CADPS2: variants seen among roughly 807,000 people sequenced by gnomAD.
CADPS2 encodes calcium-dependent secretion activator 2.
Under a neutral mutation model 172.5 loss-of-function variants are expected in CADPS2, and 93 were observed. The ratio of observed to expected loss-of-function variants is 0.54; its 90% CI spans 0.46 to 0.64. The LOEUF (loss-of-function observed/expected upper bound fraction) is 0.64, where lower values mean the gene tolerates loss of function less well. Among genes scored for constraint, CADPS2 ranks in the 30% least tolerant of loss-of-function variants. The probability of loss-of-function intolerance (pLI) is 0.00; values close to 1 mark genes in which losing one functional copy is unlikely to be tolerated. For synonymous variants in CADPS2, 546 were observed against 555.2 expected (o/e 0.98, Z 0.23); for missense variants, 1,420 against 1,565.9 (o/e 0.91, Z 1.57).
chr7:122,402,276 C>T (rs1205125396), intron 20 of CADPS2, among the ~76,000 whole-genome samples: 1 of 152,084 alleles, frequency 6.6e-6, no homozygotes, highest in East Asian at 1.9e-4. Flanking sequence ...TCTTGTCTTC[C>T]TTAAAAAGAT....
intron 7 of CADPS2, among the ~76,000 whole-genome samples, chr7:122,560,840 T>C (rs1383258940): frequency 1.3e-5 from 2 of 152,160 alleles, no homozygotes; most frequent in Non-Finnish European, 2.9e-5. Context: ...AACCTTGAGG[T>C]AGCATATATT....
intron 3 of CADPS2, among the ~76,000 whole-genome samples, chr7:122,649,513 G>C (rs2078913950): frequency 6.6e-6 from 1 of 152,114 alleles, no homozygotes; most frequent in African/African-American, 2.4e-5. Context: ...TAAAAAAGAG[G>C]CATTGGGCCT....
rs1046454155 is a variant in CADPS2 at position 122,320,105 on chromosome 7, TA to T, written c.*59del. The T allele has an allele frequency of 1.3e-5, 18 of 1,385,662 alleles. No homozygotes were observed. The highest frequency in any genetic ancestry group is 1.0e-4 in the African/African-American group (7 of 68,144). 85.8% of individuals were successfully genotyped at this position (1,385,662 alleles called of 1,614,324 possible). On this transcript the variant is annotated 3_prime_UTR_variant, in exon 30 of 30. Transcript: ENST00000449022. ...ATGAATGTAATTACAAGGACAAGGT[TA>T]AAAAAATAAAAAACAATGTCGATCA...
At chr7:122,736,810 G>T in intron 2 of CADPS2, 145 bp downstream of exon 2, 1 of 572,838 alleles carries the variant, frequency 1.7e-6, no homozygotes, top group Non-Finnish European at 3.1e-6. Context: ...TTGCTAAATA[G>T]AACTGACAAT....
At chr7:122,750,763 C>T (rs373655488) in intron 1 of CADPS2, among the ~76,000 whole-genome samples, 21 of 152,022 alleles carry the variant, frequency 1.4e-4, no homozygotes, top group Admixed American at 5.9e-4. Flanking sequence ...AATGCAGGTA[C>T]GAAAGACCTA....
intron 1 of CADPS2, among the ~76,000 whole-genome samples, chr7:122,852,700 G>C (rs191726380): frequency 1.6e-3 from 248 of 152,276 alleles, no homozygotes; most frequent in Non-Finnish European, 1.7e-3. Flanking sequence ...GGAGCAGAGA[G>C]AGCAAGGGGG....
At position 122,407,558 on chromosome 7, in the gene CADPS2, T is replaced by C. The variant is rs777526249; in HGVS notation, c.2728A>G (p.Asn910Asp). ...TGCTCACTGTCATTTCGGAGGAAAT[T>C]ATTAAGCAGTTGGAAAAGAGGAAAA... Reference protein sequence around the residue: ...DSFPLFQLLNNFLRNDTLLCN... With the variant: ...DSFPLFQLLNDFLRNDTLLCN... Residue 910 changes from asparagine to aspartate, a missense_variant, in exon 20 of 30, where the codon AAT (asparagine) becomes GAT (aspartate). Physicochemically the swap from Asn to Asp is conservative, Grantham distance 23 (BLOSUM62 1). Coordinates refer to ENST00000449022, the MANE Select transcript of CADPS2 (RefSeq NM_017954.11). 9 of 1,612,060 alleles carry C rather than the reference T, an allele frequency of 5.6e-6. No individual in the cohort carries two copies. Among genetic ancestry groups the C allele is most frequent in the Admixed American group, 1.7e-5 (1 of 59,774 alleles).
intron 19 of CADPS2, among the ~76,000 whole-genome samples, chr7:122,412,322 T>C (rs2047408378): frequency 6.6e-6 from 1 of 152,234 alleles, no homozygotes. Flanking sequence ...TTATTTTGCA[T>C]AACCACACTT....
chr7:122,706,215 T>C (rs1365337531), intron 2 of CADPS2, among the ~76,000 whole-genome samples: 1 of 77,784 alleles, frequency 1.3e-5, no homozygotes, highest in African/African-American at 5.1e-5. Flanking sequence ...AATACATATA[T>C]GCTTATATAT....
At chr7:122,589,255 T>C (rs187319533) in intron 6 of CADPS2, among the ~76,000 whole-genome samples, 90 of 151,986 alleles carry the variant, frequency 5.9e-4, no homozygotes, top group African/African-American at 1.9e-3. Flanking sequence ...CTCCTTTTAA[T>C]TGAATAATGT....
At chr7:122,702,626 A>C in intron 2 of CADPS2, 1 of 1,613,626 alleles carries the variant, frequency 6.2e-7, no homozygotes. Flanking sequence ...TGTTATATTC[A>C]GGTGAGCTGT....
chr7:122,327,285 C>T (rs1163996171), intron 28 of CADPS2, among the ~76,000 whole-genome samples: 1 of 152,062 alleles, frequency 6.6e-6, no homozygotes, highest in Admixed American at 6.6e-5. Context: ...TTAATACAGG[C>T]ACTCACTCAC....
At chr7:122,695,554 G>A (rs1484263490) in intron 2 of CADPS2, among the ~76,000 whole-genome samples, 1 of 152,126 alleles carries the variant, frequency 6.6e-6, no homozygotes, top group Admixed American at 6.6e-5. Context: ...TGACATAAAA[G>A]AAACAGCTAT....
At chr7:122,711,491 A>G (rs1050358018) in intron 2 of CADPS2, among the ~76,000 whole-genome samples, 3 of 152,116 alleles carry the variant, frequency 2.0e-5, no homozygotes, top group African/African-American at 7.2e-5. Flanking sequence ...GTAATAGTTA[A>G]AAGAAAAAAT....
At chr7:122,402,170 C>T (rs1238885136) in intron 20 of CADPS2, among the ~76,000 whole-genome samples, 1 of 152,120 alleles carries the variant, frequency 6.6e-6, no homozygotes, top group Non-Finnish European at 1.5e-5. Flanking sequence ...TTATCTGATC[C>T]TTTCTGTACT....
At chr7:122,559,091 G>C (rs1040186734) in intron 7 of CADPS2, among the ~76,000 whole-genome samples, 1 of 152,098 alleles carries the variant, frequency 6.6e-6, no homozygotes, top group Non-Finnish European at 1.5e-5. Context: ...TACAATTCTA[G>C]CTCAAAGATG....
intron 2 of CADPS2, among the ~76,000 whole-genome samples, chr7:122,723,016 T>A (rs961295739): frequency 1.2e-4 from 19 of 152,048 alleles, no homozygotes; most frequent in Non-Finnish European, 1.8e-4. Flanking sequence ...TTACACCTTA[T>A]ACAAAAATTA....
In CADPS2 at chr7:122,538,368, T is replaced by G. The variant is rs547783286; in HGVS notation, c.1475+16182A>C. On this transcript the variant is annotated intron_variant, in intron 8 of 29. Coordinates refer to ENST00000449022, the MANE Select transcript of CADPS2 (RefSeq NM_017954.11). ...GAAGCTTAATTAGGTTTTTTGTTTTTTTTTTTTAAAAACACAAGGAGAAGC... is the reference window on the plus strand; with the variant it reads ...GAAGCTTAATTAGGTTTTTTGTTTTGTTTTTTTAAAAACACAAGGAGAAGC... Among the ~76,000 whole-genome samples, 3 of 149,626 alleles carry G rather than the reference T, an allele frequency of 2.0e-5. No homozygotes were observed. In the East Asian group the frequency reaches 5.8e-4, roughly 29 times the overall value.
chr7:122,638,553 C>T (rs980059139), intron 3 of CADPS2, among the ~76,000 whole-genome samples: 3 of 152,180 alleles, frequency 2.0e-5, no homozygotes, highest in Admixed American at 6.5e-5. Context: ...GCCATGGCAC[C>T]TCAACCAGGC....
Sources: allele counts gnomAD v4.1 joint callset (sites outside exome capture counted in the v4.1 genomes callset), GRCh38; gene constraint gnomAD v4.1.1; transcripts MANE v1.5; gene names NCBI Gene and HGNC (gene_info 2026-07-23, HGNC 2026-07-21).